Variants in PALD1 observed in about 807,000 individuals in gnomAD.
PALD1 encodes paladin.
A neutral mutation model predicts 96.0 loss-of-function variants in PALD1; 57 were observed. The ratio of observed to expected loss-of-function variants is 0.59; its 90% CI spans 0.48 to 0.74. PALD1 has a LOEUF of 0.74. Ranked by LOEUF, PALD1 falls within the 30% of genes least tolerant of loss-of-function variation. The pLI is 0.00. For missense variants in PALD1, 1,063 were observed against 1,143.7 expected (o/e 0.93, Z 1.02); for synonymous variants, 464 against 473.6 (o/e 0.98, Z 0.26).
At chr10:70,548,574 A>C (rs1847415440) in intron 18 of PALD1, among the ~76,000 whole-genome samples, 1 of 152,074 alleles carries the variant, frequency 6.6e-6, no homozygotes, top group South Asian at 2.1e-4. Context: ...TGGGAGGGGC[A>C]GTGGTGGGAG....
chr10:70,522,240 A>G (rs1421091802), intron 1 of PALD1, among the ~76,000 whole-genome samples: 1 of 152,118 alleles, frequency 6.6e-6, no homozygotes, highest in Non-Finnish European at 1.5e-5. Context: ...CCACTTTGCA[A>G]ATGTAATTGC....
chr10:70,458,920 G>A, the PALD1 span, among the ~76,000 whole-genome samples: 186 of 152,362 alleles, frequency 1.2e-3, 3 homozygotes, highest in East Asian at 0.033. Context: ...GCGAGGCCTG[G>A]TGCGTGGGCA....
At chr10:70,550,302 T>C (rs989957771) in intron 18 of PALD1, among the ~76,000 whole-genome samples, 3 of 152,152 alleles carry the variant, frequency 2.0e-5, no homozygotes, top group Non-Finnish European at 2.9e-5. Flanking sequence ...GAGCCACATA[T>C]TCTAAGCAGC....
chr10:70,530,135 G>A (rs1003828451), intron 4 of PALD1, 67 bp downstream of exon 4: 11 of 1,376,804 alleles, frequency 8.0e-6, no homozygotes, highest in Non-Finnish European at 1.1e-5. Flanking sequence ...CCTTGGAGGG[G>A]CAGCTTTAGA....
At chr10:70,552,629 G>A (rs1268894249) in intron 18 of PALD1, among the ~76,000 whole-genome samples, 3 of 151,866 alleles carry the variant, frequency 2.0e-5, no homozygotes, top group East Asian at 3.9e-4. Flanking sequence ...AAAGCACATC[G>A]CAGTCCTCAT....
At chr10:70,494,500 C>G (rs1428508116) in intron 1 of PALD1, among the ~76,000 whole-genome samples, 5 of 152,240 alleles carry the variant, frequency 3.3e-5, no homozygotes, top group Non-Finnish European at 7.3e-5. Context: ...CCAGGGCTCT[C>G]TGGCTGAACC....
intron 1 of PALD1, among the ~76,000 whole-genome samples, chr10:70,513,840 G>A (rs1029183252): frequency 2.6e-5 from 4 of 152,208 alleles, no homozygotes; most frequent in Non-Finnish European, 5.9e-5. Context: ...AGGCAACTAG[G>A]GGTGCTGGAA....
chr10:70,474,907 A>C (rs1452335546), upstream of PALD1, among the ~76,000 whole-genome samples: 1 of 152,160 alleles, frequency 6.6e-6, no homozygotes, highest in East Asian at 1.9e-4. Context: ...CCATGGGCAG[A>C]TAGGGGAGGA....
In PALD1 at chr10:70,560,986, A is replaced by G. The variant is rs1847727572; in HGVS notation, c.2263-3378A>G. Among the ~76,000 whole-genome samples, 5 of 152,152 alleles carry G rather than the reference A, an allele frequency of 3.3e-5. No individual in the cohort carries two copies. In the South Asian group the frequency reaches 6.2e-4, roughly 19 times the overall value. On this transcript the variant is annotated intron_variant, in intron 18 of 19. Coordinates refer to ENST00000263563, the MANE Select transcript of PALD1 (RefSeq NM_014431.3). ...CAGGGCCTTGATAGGAAGATGGGCA[A>G]TTGTCTCAAATCACAGACCTGTGAT...
intron 1 of PALD1, among the ~76,000 whole-genome samples, chr10:70,490,178 C>T (rs551325068): frequency 1.3e-5 from 2 of 152,174 alleles, no homozygotes; most frequent in South Asian, 4.2e-4. Context: ...CTGCCTCGGC[C>T]TCCCATAATG....
At chr10:70,467,344 C>T in the PALD1 span, among the ~76,000 whole-genome samples, 1 of 149,330 alleles carries the variant, frequency 6.7e-6, no homozygotes, top group Non-Finnish European at 1.5e-5. Flanking sequence ...GATGGTGTTT[C>T]TCAAATATTT....
chr10:70,539,361 G>A lies in PALD1; in HGVS notation c.1725+114G>A, dbSNP rs1054088711. On this transcript the variant is annotated intron_variant, in intron 14 of 19. Coordinates refer to ENST00000263563, the MANE Select transcript of PALD1 (RefSeq NM_014431.3). The surrounding 1 kb of genome is among the most constrained non-coding windows in gnomAD (Gnocchi z 4.5). ...AGACAGATGGAGAATCTGAGGCCCC[G>A]GGAGGAGCAGTGTCAGGGAGTGGCC... The A allele has an allele frequency of 1.4e-5, 17 of 1,197,348 alleles. No individual in the cohort carries two copies. Among genetic ancestry groups the A allele is most frequent in the Middle Eastern group, 5.7e-4 (2 of 3,514 alleles). 74.2% of individuals were successfully genotyped at this position (1,197,348 alleles called of 1,614,324 possible).
intron 1 of PALD1, among the ~76,000 whole-genome samples, chr10:70,483,327 G>T (rs541722760): frequency 1.3e-5 from 2 of 152,306 alleles, no homozygotes; most frequent in South Asian, 4.1e-4. Context: ...GCTTTAAGGG[G>T]TGCCCCTGCC....
At chr10:70,466,278 C>T in the PALD1 span, among the ~76,000 whole-genome samples, 3 of 151,770 alleles carry the variant, frequency 2.0e-5, no homozygotes, top group Admixed American at 6.6e-5. Context: ...CAGAGTCTCA[C>T]TCTGTCGCTC....
At chr10:70,531,676 C>T (rs1185071743) in intron 5 of PALD1, among the ~76,000 whole-genome samples, 2 of 151,984 alleles carry the variant, frequency 1.3e-5, no homozygotes, top group Non-Finnish European at 2.9e-5. Flanking sequence ...TGCTTGTCTC[C>T]TTGATGCTCA....
chr10:70,549,973 C>G (rs12777269), intron 18 of PALD1, among the ~76,000 whole-genome samples: 64,358 of 152,098 alleles, frequency 0.42, 14,152 homozygotes, highest in East Asian at 0.8. Flanking sequence ...TGGGAGGACA[C>G]AGATCCCTGA....
In PALD1 at chr10:70,539,845, T is replaced by A. The variant is rs1268828509; in HGVS notation, c.1908+83T>A. 1.6e-6 allele frequency: 2 copies of A among 1,245,566 alleles called. No homozygotes were observed. Among genetic ancestry groups the A allele is most frequent in the East Asian group, 2.5e-5 (1 of 40,474 alleles). 77.2% of individuals were successfully genotyped at this position (1,245,566 alleles called of 1,614,324 possible). ...CCCTCTGGTCTGGGCTCTGGGAGAATGAAACGACCCCAGCTTCTCTACGGG... is the reference window on the plus strand; with the variant it reads ...CCCTCTGGTCTGGGCTCTGGGAGAAAGAAACGACCCCAGCTTCTCTACGGG... On this transcript the variant is annotated intron_variant, in intron 15 of 19. Transcript: ENST00000263563. The surrounding 1 kb of genome is among the most constrained non-coding windows in gnomAD (Gnocchi z 4.5).
At chr10:70,533,592 C>T (rs1026614182) in intron 7 of PALD1, among the ~76,000 whole-genome samples, 6 of 152,200 alleles carry the variant, frequency 3.9e-5, no homozygotes, top group African/African-American at 1.4e-4. Context: ...GTTCAGCTGA[C>T]ATTTCCTGAG....
At chr10:70,471,216 C>T in the PALD1 span, among the ~76,000 whole-genome samples, 1 of 152,238 alleles carries the variant, frequency 6.6e-6, no homozygotes, top group African/African-American at 2.4e-5. Context: ...GCCTTGGCCT[C>T]CCAAAGTGCT....
Sources: gnomAD v4.1 joint callset for allele counts (sites outside exome capture counted in the v4.1 genomes callset) on GRCh38, gnomAD v4.1.1 for gene constraint, Gnocchi (gnomAD v3.1) non-coding constraint, MANE v1.5 for transcripts, NCBI Gene and HGNC (gene_info 2026-07-23, HGNC 2026-07-21) for gene names.